Variants in ROBO1 observed in about 807,000 individuals in gnomAD.
ROBO1 encodes roundabout homolog 1.
Under a neutral mutation model 195.9 loss-of-function variants are expected in ROBO1, and 149 were observed. The observed-to-expected ratio is 0.76, with a 90% CI of 0.67 to 0.87. The LOEUF is 0.87. Among genes scored for constraint, ROBO1 ranks in the 40% least tolerant of loss-of-function variants. ROBO1 has a pLI of 0.00. For synonymous variants in ROBO1, 816 were observed against 733.2 expected, an observed-to-expected ratio of 1.11 and a Z score of -1.82; for missense variants, 1,933 against 2,068.3, an observed-to-expected ratio of 0.93 and a Z score of 1.27.
intron 3 of ROBO1, among the ~76,000 whole-genome samples, chr3:79,015,972 G>A (rs1305487972): frequency 6.6e-6 from 1 of 152,126 alleles, no homozygotes; most frequent in Non-Finnish European, 1.5e-5. Flanking sequence ...CTTGTTGAAG[G>A]TAAGTTATCC....
At chr3:79,757,120 C>T (rs1310804843) in intron 1 of ROBO1, among the ~76,000 whole-genome samples, 1 of 152,144 alleles carries the variant, frequency 6.6e-6, no homozygotes, top group Non-Finnish European at 1.5e-5. Context: ...GATGTACAAA[C>T]ATTGCTGTAC....
chr3:79,651,017 T>C (rs1235158313), intron 1 of ROBO1, among the ~76,000 whole-genome samples: 2 of 152,122 alleles, frequency 1.3e-5, no homozygotes, highest in South Asian at 2.1e-4. Flanking sequence ...GGCTAATTTT[T>C]AGAATTTTAA....
chr3:78,875,196 A>T (rs2035767961), intron 4 of ROBO1, among the ~76,000 whole-genome samples: 1 of 152,046 alleles, frequency 6.6e-6, no homozygotes. Flanking sequence ...CTTGGCACTA[A>T]TTTCGGACTT....
chr3:79,531,559 G>C (rs1941663837), intron 2 of ROBO1, among the ~76,000 whole-genome samples: 1 of 152,160 alleles, frequency 6.6e-6, no homozygotes, highest in African/African-American at 2.4e-5. Flanking sequence ...CTGGGAGGTG[G>C]AGGTTCAAAT....
intron 2 of ROBO1, among the ~76,000 whole-genome samples, chr3:79,270,301 A>G (rs1398807787): frequency 6.6e-6 from 1 of 151,520 alleles, no homozygotes. Context: ...GTATTTTATA[A>G]GAGAGTTTTA....
intron 2 of ROBO1, among the ~76,000 whole-genome samples, chr3:79,338,210 C>G: frequency 6.6e-6 from 1 of 152,240 alleles, no homozygotes; most frequent in Middle Eastern, 3.5e-3. Context: ...CATATCAGAA[C>G]ATTTACTTAT....
chr3:79,492,402 G>T (rs900856440), intron 2 of ROBO1, among the ~76,000 whole-genome samples: 1 of 132,156 alleles, frequency 7.6e-6, no homozygotes, highest in Non-Finnish European at 1.6e-5. Context: ...TCCAGCCTGG[G>T]CAATAAGAGT....
intron 2 of ROBO1, among the ~76,000 whole-genome samples, chr3:79,151,928 T>G (rs2080779370): frequency 6.6e-6 from 1 of 151,914 alleles, no homozygotes; most frequent in Non-Finnish European, 1.5e-5. Flanking sequence ...TTCCATCTAA[T>G]GATGACAGCC....
chr3:79,160,261 T>TTG (rs60997511), intron 2 of ROBO1, among the ~76,000 whole-genome samples: 13 of 151,484 alleles, frequency 8.6e-5, no homozygotes, highest in African/African-American at 3.2e-4. Flanking sequence ...TGTGTGTGTG[T>TTG]TGTAGCATGA....
chr3:78,733,549 T>C (rs2082328512), intron 5 of ROBO1, among the ~76,000 whole-genome samples: 1 of 152,174 alleles, frequency 6.6e-6, no homozygotes, highest in South Asian at 2.1e-4. Flanking sequence ...TATTGATATT[T>C]AAATATTTTT....
intron 4 of ROBO1, among the ~76,000 whole-genome samples, chr3:78,886,730 G>A (rs2036592779): frequency 6.6e-6 from 1 of 151,898 alleles, no homozygotes; most frequent in African/African-American, 2.4e-5. Flanking sequence ...AACATAATGT[G>A]GAATATATGA....
intron 2 of ROBO1, among the ~76,000 whole-genome samples, chr3:79,445,939 A>G (rs2039240361): frequency 6.6e-6 from 1 of 151,710 alleles, no homozygotes; most frequent in South Asian, 2.1e-4. Context: ...GGCGTGAGCC[A>G]CCGCGCCCGG....
chr3:79,629,898 T>C (rs1195247617), intron 1 of ROBO1, among the ~76,000 whole-genome samples: 1 of 151,788 alleles, frequency 6.6e-6, no homozygotes, highest in African/African-American at 2.4e-5. Context: ...CTACTAGAAA[T>C]AAAGTTTTTA....
chr3:79,183,320 G>A (rs2081379784), intron 2 of ROBO1, among the ~76,000 whole-genome samples: 1 of 152,152 alleles, frequency 6.6e-6, no homozygotes, highest in East Asian at 1.9e-4. Flanking sequence ...ACACCTGAAA[G>A]AGGGAACTCT....
intron 1 of ROBO1, among the ~76,000 whole-genome samples, chr3:79,685,405 G>C (rs2107016009): frequency 6.6e-6 from 1 of 152,256 alleles, no homozygotes; most frequent in South Asian, 2.1e-4. Context: ...GTTTTTTAAA[G>C]GCCTTTATGG....
At chr3:79,704,999 G>A (rs1947725557) in intron 1 of ROBO1, among the ~76,000 whole-genome samples, 1 of 151,854 alleles carries the variant, frequency 6.6e-6, no homozygotes, top group East Asian at 1.9e-4. Context: ...TAAGGTGTCT[G>A]TTGAGGTCTT....
rs755004258 is a variant in ROBO1 at position 79,039,699 on chromosome 3, G to A, written c.172+85757C>T. Among the ~76,000 whole-genome samples the A allele has an allele frequency of 4.1e-5, 6 of 148,098 alleles. No homozygotes were observed. In the South Asian group the frequency reaches 6.4e-4, roughly 16 times the overall value. ...AATCCCAGCTACTCGGGAGACTGAG[G>A]CAGGAGAATTGCTTGAACCAGGACC... On this transcript the variant is annotated intron_variant, in intron 3 of 30. Transcript: ENST00000464233.
intron 1 of ROBO1, among the ~76,000 whole-genome samples, chr3:79,762,985 C>T (rs1704794896): frequency 1.3e-5 from 2 of 152,102 alleles, no homozygotes; most frequent in African/African-American, 4.8e-5. Context: ...TGTCTTGATG[C>T]ATGATGTGCT....
chr3:79,641,634 C>G (rs1313625451), intron 1 of ROBO1, among the ~76,000 whole-genome samples: 1 of 151,952 alleles, frequency 6.6e-6, no homozygotes, highest in Non-Finnish European at 1.5e-5. Context: ...GCCCTCTGAC[C>G]AAGAATTCAA....
Sources: allele counts gnomAD v4.1 joint callset (sites outside exome capture counted in the v4.1 genomes callset), GRCh38; gene constraint gnomAD v4.1.1; transcripts MANE v1.5; gene names NCBI Gene and HGNC (gene_info 2026-07-23, HGNC 2026-07-21).